Variants in CMIP observed in about 807,000 individuals in gnomAD.
CMIP encodes the protein c-Maf inducing protein.
Under a neutral mutation model 97.3 loss-of-function variants are expected in CMIP, and 13 were observed. The observed-to-expected ratio is 0.13, with a 90% CI of 0.09 to 0.21. The LOEUF (loss-of-function observed/expected upper bound fraction) is 0.21, where lower values mean the gene tolerates loss of function less well. CMIP is among the 10% of genes least tolerant of loss of function. The pLI is 1.00. For missense variants in CMIP, 847 were observed against 1,024.9 expected (o/e 0.83, Z 2.37); for synonymous variants, 538 against 436.3 (o/e 1.23, Z -2.91).
At chr16:81,537,284 C>T (rs984108730) in intron 1 of CMIP, among the ~76,000 whole-genome samples, 14 of 152,016 alleles carry the variant, frequency 9.2e-5, no homozygotes, top group Admixed American at 2.0e-4. Context: ...CCTGTAATGC[C>T]GGCACTTTGG....
At chr16:81,569,540 T>C (rs762040285) in intron 1 of CMIP, among the ~76,000 whole-genome samples, 2 of 152,212 alleles carry the variant, frequency 1.3e-5, no homozygotes, top group African/African-American at 4.8e-5. Flanking sequence ...AGGAACTGAT[T>C]CCACAGGACA....
chr16:81,459,881 C>T (rs1204589257), intron 1 of CMIP, among the ~76,000 whole-genome samples: 1 of 152,214 alleles, frequency 6.6e-6, no homozygotes, highest in East Asian at 1.9e-4. Context: ...GTGGCCTTGT[C>T]AGATGCCAGC....
At chr16:81,642,712 A>T (rs1458901707) in intron 3 of CMIP, among the ~76,000 whole-genome samples, 1 of 152,134 alleles carries the variant, frequency 6.6e-6, no homozygotes, top group South Asian at 2.1e-4. Context: ...CCTGGTCAAC[A>T]TGGCGAAACC....
At chr16:81,529,324 G>A (rs2090188387) in intron 1 of CMIP, among the ~76,000 whole-genome samples, 1 of 152,154 alleles carries the variant, frequency 6.6e-6, no homozygotes, top group Non-Finnish European at 1.5e-5. Context: ...ATGATACAGA[G>A]GGTAGCCATG....
intron 1 of CMIP, among the ~76,000 whole-genome samples, chr16:81,533,293 C>G (rs2090276555): frequency 6.6e-6 from 1 of 152,172 alleles, no homozygotes; most frequent in African/African-American, 2.4e-5. Flanking sequence ...GCTAGATGCT[C>G]AGTACATAGT....
intron 2 of CMIP, chr16:81,620,139 T>C (rs1334244869): frequency 6.6e-6 from 1 of 152,236 alleles, no homozygotes; most frequent in East Asian, 1.9e-4. Context: ...AAATCAGGGT[T>C]ATTGTCCCCA....
chr16:81,563,576 C>T (rs529957683), intron 1 of CMIP, among the ~76,000 whole-genome samples: 66 of 152,318 alleles, frequency 4.3e-4, no homozygotes, highest in African/African-American at 1.4e-3. Flanking sequence ...GATACATGTG[C>T]ACATTAAAGC....
intron 1 of CMIP, among the ~76,000 whole-genome samples, chr16:81,553,661 C>T (rs923811288): frequency 2.6e-5 from 4 of 152,210 alleles, no homozygotes; most frequent in African/African-American, 9.6e-5. Context: ...GGGCGTGCTC[C>T]GCCAGCTTCA....
At chr16:81,589,499 T>TTC (rs34442841) in intron 1 of CMIP, among the ~76,000 whole-genome samples, 2 of 151,338 alleles carry the variant, frequency 1.3e-5, no homozygotes, top group African/African-American at 4.9e-5. Context: ...TTTTTTTTTT[T>TTC]CCACCCTATG....
rs140110022 is a variant in CMIP at position 81,627,153 on chromosome 16, A to ATG, written c.477+6240_477+6241dup. On this transcript the variant is annotated intron_variant, in intron 3 of 20. Transcript: ENST00000537098. The surrounding 1 kb of genome is among the most constrained non-coding windows in gnomAD (Gnocchi z 4.6). The stretch of plus-strand genomic sequence containing the variant: ...GGCATATGGGCCAACTATTTTATGA[A>ATG]TGTGTGTGTGTGTGGCCTGTAGGGT... Among the ~76,000 whole-genome samples, 7 of 132,066 alleles carry ATG rather than the reference A, an allele frequency of 5.3e-5. No individual in the cohort carries two copies. The highest frequency in any genetic ancestry group is 2.5e-4 in the East Asian group (1 of 4,040). 86.6% of individuals were successfully genotyped at this position (132,066 alleles called of 152,430 possible).
chr16:81,661,842 C>T (rs1167206634), intron 6 of CMIP, among the ~76,000 whole-genome samples: 1 of 152,144 alleles, frequency 6.6e-6, no homozygotes, highest in Non-Finnish European at 1.5e-5. Context: ...CTCCTGGAGT[C>T]TGCCTCCCTA....
At chr16:81,539,284 G>T (rs1263541637) in intron 1 of CMIP, among the ~76,000 whole-genome samples, 1 of 152,216 alleles carries the variant, frequency 6.6e-6, no homozygotes, top group Non-Finnish European at 1.5e-5. Context: ...CTGAAGGTTT[G>T]AGCGGAATGG....
chr16:81,649,111 G>A (rs1391425271), intron 3 of CMIP, among the ~76,000 whole-genome samples: 1 of 152,224 alleles, frequency 6.6e-6, no homozygotes, highest in African/African-American at 2.4e-5. Context: ...CCAACTCATG[G>A]GATACTGTGA....
chr16:81,549,583 G>T (rs1042033865), intron 1 of CMIP, among the ~76,000 whole-genome samples: 6 of 152,318 alleles, frequency 3.9e-5, no homozygotes, highest in South Asian at 2.1e-4. Flanking sequence ...GGCCCTGAGT[G>T]AAATGCCAGT....
chr16:81,598,310 G>A (rs1028885809), intron 1 of CMIP, among the ~76,000 whole-genome samples: 6 of 152,072 alleles, frequency 3.9e-5, no homozygotes, highest in African/African-American at 1.4e-4. Flanking sequence ...ACAGGGCGGC[G>A]CCTGGCCACA....
intron 1 of CMIP, among the ~76,000 whole-genome samples, chr16:81,468,072 G>A (rs1490944775): frequency 2.0e-5 from 3 of 152,050 alleles, no homozygotes; most frequent in Non-Finnish European, 4.4e-5. Flanking sequence ...TGTTTCTAAT[G>A]TGGGGCTCCT....
intron 1 of CMIP, among the ~76,000 whole-genome samples, chr16:81,467,715 G>A (rs1477383217): frequency 6.6e-6 from 1 of 151,056 alleles, no homozygotes; most frequent in African/African-American, 2.4e-5. Context: ...CGAGTAGCTG[G>A]GATTACAGGC....
chr16:81,515,552 C>T (rs529375649), intron 1 of CMIP, among the ~76,000 whole-genome samples: 5 of 152,238 alleles, frequency 3.3e-5, no homozygotes, highest in South Asian at 4.1e-4. Flanking sequence ...AGGCGTGTTT[C>T]GTCAGCCCAA....
chr16:81,463,219 A>G (rs1036954151), intron 1 of CMIP, among the ~76,000 whole-genome samples: 10 of 152,200 alleles, frequency 6.6e-5, no homozygotes, highest in African/African-American at 2.4e-4. Flanking sequence ...AAGGACCCCA[A>G]TAAACAAGTT....
Sources: gnomAD v4.1 joint callset for allele counts (sites outside exome capture counted in the v4.1 genomes callset) on GRCh38, gnomAD v4.1.1 for gene constraint, Gnocchi (gnomAD v3.1) non-coding constraint, MANE v1.5 for transcripts, NCBI Gene and HGNC (gene_info 2026-07-23, HGNC 2026-07-21) for gene names.